Variants in DOK6 observed in about 807,000 individuals in gnomAD.
DOK6 encodes downstream of tyrosine kinase 6.
DOK6 carries 22 observed loss-of-function variants against 44.0 expected under a neutral mutation model. The observed-to-expected ratio is 0.50, with a 90% CI of 0.36 to 0.71. The LOEUF (loss-of-function observed/expected upper bound fraction) is 0.71. Ranked by LOEUF, DOK6 falls within the 30% of genes least tolerant of loss-of-function variation. The pLI, the probability that DOK6 is intolerant of heterozygous loss-of-function variation, is 0.00. For synonymous variants in DOK6, 166 were observed against 145.5 expected, an observed-to-expected ratio of 1.14 and a Z score of -1.01; for missense variants, 340 against 416.4, an observed-to-expected ratio of 0.82 and a Z score of 1.60.
chr18:69,802,829 C>T (rs1473987976), intron 7 of DOK6, among the ~76,000 whole-genome samples: 1 of 152,134 alleles, frequency 6.6e-6, no homozygotes, highest in South Asian at 2.1e-4. Context: ...GCCAACTAAA[C>T]CTCTTCTTTT....
intron 1 of DOK6, among the ~76,000 whole-genome samples, chr18:69,539,120 T>G (rs1982199628): frequency 6.6e-6 from 1 of 152,196 alleles, no homozygotes; most frequent in Non-Finnish European, 1.5e-5. Flanking sequence ...CTTATCAAAC[T>G]ACACTACAGC....
intron 2 of DOK6, among the ~76,000 whole-genome samples, chr18:69,580,207 A>T (rs1056286979): frequency 6.6e-6 from 1 of 152,042 alleles, no homozygotes; most frequent in Non-Finnish European, 1.5e-5. Context: ...CTGGGTTTTC[A>T]TCTAGTGGCT....
At chr18:69,700,408 A>G (rs994299107) in intron 5 of DOK6, among the ~76,000 whole-genome samples, 48 of 152,062 alleles carry the variant, frequency 3.2e-4, no homozygotes, top group African/African-American at 9.6e-4. Flanking sequence ...GTTTCAATAG[A>G]CTTCCACTCA....
chr18:69,777,896 T>C (rs979633550), intron 7 of DOK6: 10 of 152,214 alleles, frequency 6.6e-5, no homozygotes, highest in Non-Finnish European at 1.5e-4. Flanking sequence ...CAGGAAATCA[T>C]GAAAATCGGC....
chr18:69,671,960 G>A (rs943069489), intron 3 of DOK6, among the ~76,000 whole-genome samples: 5 of 152,152 alleles, frequency 3.3e-5, no homozygotes, highest in African/African-American at 1.2e-4. Context: ...TGATACTTAG[G>A]GGCGTCTACG....
intron 1 of DOK6, among the ~76,000 whole-genome samples, chr18:69,440,829 A>T (rs1272724467): frequency 3.3e-5 from 5 of 152,050 alleles, no homozygotes; most frequent in Admixed American, 1.3e-4. Flanking sequence ...ATAATGGTCG[A>T]TTTATGTAGA....
chr18:69,576,240 T>C (rs894758528), intron 2 of DOK6, among the ~76,000 whole-genome samples: 3 of 151,744 alleles, frequency 2.0e-5, no homozygotes, highest in African/African-American at 7.2e-5. Flanking sequence ...AAAATATTCA[T>C]CATCAAGATG....
At chr18:69,604,556 A>T (rs1983950801) in intron 3 of DOK6, among the ~76,000 whole-genome samples, 1 of 152,196 alleles carries the variant, frequency 6.6e-6, no homozygotes, top group Admixed American at 6.5e-5. Flanking sequence ...CTTTTTTAAA[A>T]CTACTTTTTA....
At chr18:69,439,662 C>T (rs1463495205) in intron 1 of DOK6, among the ~76,000 whole-genome samples, 1 of 152,152 alleles carries the variant, frequency 6.6e-6, no homozygotes, top group Non-Finnish European at 1.5e-5. Context: ...TCAAACTTCT[C>T]TTCTGTAGCT....
At chr18:69,650,266 GGTTGAAGACTTTA>G (rs1163337607) in intron 3 of DOK6, among the ~76,000 whole-genome samples, 2 of 152,128 alleles carry the variant, frequency 1.3e-5, no homozygotes, top group Non-Finnish European at 2.9e-5. Flanking sequence ...CTGCTCTGTG[GGTTGAAGACTTTA>G]TAAAGTAATC....
intron 1 of DOK6, among the ~76,000 whole-genome samples, chr18:69,563,995 T>G (rs2144597591): frequency 6.6e-6 from 1 of 152,352 alleles, no homozygotes; most frequent in Admixed American, 6.5e-5. Context: ...GAGACACATG[T>G]GTTCATAATA....
chr18:69,711,459 G>A (rs541827689), intron 5 of DOK6, among the ~76,000 whole-genome samples: 2 of 152,194 alleles, frequency 1.3e-5, no homozygotes, highest in Non-Finnish European at 2.9e-5. Flanking sequence ...TACTTTTCAT[G>A]TTGATTAAAA....
intron 7 of DOK6, among the ~76,000 whole-genome samples, chr18:69,799,565 C>T (rs776769669): frequency 8.8e-4 from 134 of 152,022 alleles, no homozygotes; most frequent in Non-Finnish European, 1.5e-3. Context: ...CCAATATTTT[C>T]CTGACAAGCA....
At chr18:69,692,847 G>A (rs377476523) in intron 4 of DOK6, among the ~76,000 whole-genome samples, 38 of 152,216 alleles carry the variant, frequency 2.5e-4, no homozygotes, top group East Asian at 2.3e-3. Flanking sequence ...TACAGCTACT[G>A]TATACATTTA....
chr18:69,645,929 T>C (rs1568320790), intron 3 of DOK6, among the ~76,000 whole-genome samples: 1 of 152,208 alleles, frequency 6.6e-6, no homozygotes, highest in Non-Finnish European at 1.5e-5. Flanking sequence ...GTTCCACTAC[T>C]GTCTTATTTT....
chr18:69,777,518 C>A (rs1355779728), intron 7 of DOK6, among the ~76,000 whole-genome samples: 1 of 152,004 alleles, frequency 6.6e-6, no homozygotes, highest in Non-Finnish European at 1.5e-5. Flanking sequence ...TTTATCCAGG[C>A]CTGCAAAATG....
At chr18:69,771,984 C>T (rs901025392) in intron 7 of DOK6, among the ~76,000 whole-genome samples, 4 of 147,530 alleles carry the variant, frequency 2.7e-5, no homozygotes, top group Non-Finnish European at 4.5e-5. Context: ...ATAGAACATT[C>T]TAGGCAACAC....
intron 7 of DOK6, among the ~76,000 whole-genome samples, chr18:69,833,327 A>G (rs28773480): frequency 0.26 from 40,204 of 152,048 alleles, 5,334 homozygotes; most frequent in Non-Finnish European, 0.27. Context: ...CAGTCTGCTT[A>G]ATAAATGGTG....
At chr18:69,755,619 G>A (rs937183754) in intron 6 of DOK6, among the ~76,000 whole-genome samples, 4 of 152,194 alleles carry the variant, frequency 2.6e-5, no homozygotes, top group African/African-American at 9.7e-5. Context: ...TTCATAAAAT[G>A]AGCCTGGCCT....
Sources: allele counts gnomAD v4.1 joint callset (sites outside exome capture counted in the v4.1 genomes callset), GRCh38; gene constraint gnomAD v4.1.1; transcripts MANE v1.5; gene names NCBI Gene and HGNC (gene_info 2026-07-23, HGNC 2026-07-21).